Variants in AVEN observed in about 807,000 individuals in gnomAD.
The protein encoded by AVEN is cell death regulator Aven.
AVEN carries 41 observed loss-of-function variants against 38.1 expected under a neutral mutation model. The ratio of observed to expected loss-of-function variants is 1.08; its 90% CI spans 0.84 to 1.40. The LOEUF (loss-of-function observed/expected upper bound fraction) is 1.40, where lower values mean the gene tolerates loss of function less well. Ranked by LOEUF, AVEN falls within the 40% of genes most tolerant of loss-of-function variation. AVEN has a pLI of 0.00. For missense variants in AVEN, 605 were observed against 438.8 expected, an observed-to-expected ratio of 1.38 and a Z score of -3.38; for synonymous variants, 206 against 171.8, an observed-to-expected ratio of 1.20 and a Z score of -1.56.
chr15:33,944,273 T>C (rs528375904), intron 2 of AVEN, among the ~76,000 whole-genome samples: 3 of 152,216 alleles, frequency 2.0e-5, no homozygotes, highest in Admixed American at 2.0e-4. Context: ...AAGAAGAATA[T>C]AGAAATTAAT....
rs546678024 is a variant in AVEN, at chr15:33,879,223, T to TA, written c.446-3229dup. Among the ~76,000 whole-genome samples, 217 of 151,488 alleles carry TA rather than the reference T, an allele frequency of 1.4e-3. 4 individuals carry two copies. In the South Asian group the frequency reaches 0.044, roughly 31 times the overall value. ...TACACCATGGAATACTATGCAGCCA[T>TA]AAAAAATGATGAGTTCATGTCCTTT... On this transcript the variant is annotated intron_variant, in intron 2 of 5. Transcript: ENST00000306730.
intron 2 of AVEN, among the ~76,000 whole-genome samples, chr15:33,944,176 G>A (rs913612759): frequency 6.6e-6 from 1 of 152,196 alleles, no homozygotes; most frequent in Non-Finnish European, 1.5e-5. Context: ...TCTGAATGTG[G>A]TCACTGAACA....
At chr15:33,857,712 T>G (rs890561969), downstream of AVEN, 1 of 1,577,240 alleles carries the variant, frequency 6.3e-7, no homozygotes, top group Admixed American at 1.8e-5. Context: ...TTTCTTAGAG[T>G]CTCCTGTGAA....
At chr15:34,004,971 TAAAAA>T (rs1040589941) in intron 1 of AVEN, among the ~76,000 whole-genome samples, 1 of 146,356 alleles carries the variant, frequency 6.8e-6, no homozygotes, top group African/African-American at 2.4e-5. Flanking sequence ...AGTGTGGACT[TAAAAA>T]AAATAATGAG....
At chr15:33,904,159 C>T (rs1275183270) in intron 2 of AVEN, among the ~76,000 whole-genome samples, 2 of 152,176 alleles carry the variant, frequency 1.3e-5, no homozygotes, top group African/African-American at 2.4e-5. Flanking sequence ...GTAGCTCACA[C>T]CTGTAATCCC....
At chr15:33,986,771 G>C (rs150226643) in intron 2 of AVEN, among the ~76,000 whole-genome samples, 8,765 of 151,406 alleles carry the variant, frequency 0.058, 707 homozygotes, top group African/African-American at 0.18. Context: ...ATTCTCCTGT[G>C]TCAGCCGCCC....
At chr15:33,965,370 C>T (rs1895345889) in intron 2 of AVEN, among the ~76,000 whole-genome samples, 1 of 152,020 alleles carries the variant, frequency 6.6e-6, no homozygotes, top group Non-Finnish European at 1.5e-5. Context: ...TATTGAAATG[C>T]CCTAAAAGGA....
chr15:33,999,953 G>A (rs1487546719), intron 2 of AVEN, among the ~76,000 whole-genome samples: 1 of 152,172 alleles, frequency 6.6e-6, no homozygotes, highest in Non-Finnish European at 1.5e-5. Flanking sequence ...TACGCGATCT[G>A]GCTGGATAAT....
intron 2 of AVEN, among the ~76,000 whole-genome samples, chr15:33,992,355 A>G (rs1310119280): frequency 6.6e-6 from 1 of 151,752 alleles, no homozygotes; most frequent in Non-Finnish European, 1.5e-5. Flanking sequence ...GCGCCACTGC[A>G]CTCCAGCCTG....
intron 2 of AVEN, among the ~76,000 whole-genome samples, chr15:33,945,792 G>C (rs182568387): frequency 6.6e-6 from 1 of 151,998 alleles, no homozygotes; most frequent in Non-Finnish European, 1.5e-5. Context: ...TCGCTATGTT[G>C]GCCAGGATAG....
chr15:34,053,551 C>T (rs1443734888), intron 5 of AVEN, among the ~76,000 whole-genome samples: 3 of 151,712 alleles, frequency 2.0e-5, no homozygotes, highest in Non-Finnish European at 4.4e-5. Flanking sequence ...TGATCTTTGA[C>T]AAACCTAACA....
upstream of AVEN, among the ~76,000 whole-genome samples, chr15:34,043,257 A>G (rs1338958035): frequency 1.3e-5 from 2 of 152,112 alleles, no homozygotes; most frequent in African/African-American, 2.4e-5. Flanking sequence ...AAAAAAAAAA[A>G]AAAGACTATG....
At chr15:33,983,163 T>TGTGTGTGTATATATACACAC (rs1445321482) in intron 2 of AVEN, among the ~76,000 whole-genome samples, 1 of 122,568 alleles carries the variant, frequency 8.2e-6, no homozygotes, top group Non-Finnish European at 1.6e-5. Context: ...TGTGTGTATG[T>TGTGTGTGTATATATACACAC]GTGTGTGTAT....
chr15:33,861,165 T>C (rs1234025586), intron 11 of AVEN: 1 of 1,588,888 alleles, frequency 6.3e-7, no homozygotes. Flanking sequence ...AGAGCACAAC[T>C]TAGCCAACTA....
At chr15:33,972,619 A>AAAAT (rs1249927797) in intron 2 of AVEN, 1 of 152,264 alleles carries the variant, frequency 6.6e-6, no homozygotes, top group African/African-American at 2.4e-5. Context: ...ATATTTGTAA[A>AAAAT]AAATAAATAA....
At chr15:33,988,446 A>G (rs1275100215) in intron 2 of AVEN, among the ~76,000 whole-genome samples, 2 of 152,212 alleles carry the variant, frequency 1.3e-5, no homozygotes, top group Non-Finnish European at 1.5e-5. Context: ...AATGAAACCT[A>G]CCCTATTAAG....
chr15:33,980,469 G>A (rs576310268), intron 2 of AVEN, among the ~76,000 whole-genome samples: 3 of 152,230 alleles, frequency 2.0e-5, no homozygotes, highest in African/African-American at 7.2e-5. Flanking sequence ...CAGGCAACAC[G>A]TCCTCTGATT....
chr15:33,923,267 G>A (rs772329519), intron 2 of AVEN, among the ~76,000 whole-genome samples: 1 of 152,054 alleles, frequency 6.6e-6, no homozygotes. Context: ...ATTACAAAAA[G>A]GAGTAATTGT....
intron 5 of AVEN, among the ~76,000 whole-genome samples, chr15:34,061,084 A>G (rs1336610698): frequency 6.6e-6 from 1 of 150,864 alleles, no homozygotes; most frequent in East Asian, 1.9e-4. Context: ...TGTTTGTTAT[A>G]TATCATCAAA....
Sources: allele counts gnomAD v4.1 joint callset (sites outside exome capture counted in the v4.1 genomes callset), GRCh38; gene constraint gnomAD v4.1.1; transcripts MANE v1.5; gene names NCBI Gene and HGNC (gene_info 2026-07-23, HGNC 2026-07-21).